The following DPYD variants were observed in gnomAD, a reference collection of about 807,000 sequenced individuals.
DPYD encodes the protein dihydropyrimidine dehydrogenase [NADP(+)].
Under a neutral mutation model 116.2 loss-of-function variants are expected in DPYD, and 109 were observed. The ratio of observed to expected loss-of-function variants is 0.94; its 90% CI spans 0.80 to 1.10. DPYD has a LOEUF of 1.10. Ranked by LOEUF, DPYD falls within the 50% of genes least tolerant of loss-of-function variation. DPYD has a pLI of 0.00. For missense variants in DPYD, 1,302 were observed against 1,254.5 expected (o/e 1.04, Z -0.57); for synonymous variants, 440 against 432.0 (o/e 1.02, Z -0.23).
At chr1:97,133,572 C>T (rs747008399) in intron 20 of DPYD, among the ~76,000 whole-genome samples, 11 of 152,146 alleles carry the variant, frequency 7.2e-5, no homozygotes, top group Admixed American at 5.2e-4. Context: ...GTATGAGACA[C>T]TTTTGATCTT....
At chr1:97,543,284 T>A (rs1332093052) in intron 12 of DPYD, among the ~76,000 whole-genome samples, 1 of 152,172 alleles carries the variant, frequency 6.6e-6, no homozygotes, top group East Asian at 1.9e-4. Flanking sequence ...ATACTGCTCT[T>A]ATTTATGCAT....
intron 18 of DPYD, among the ~76,000 whole-genome samples, chr1:97,258,059 G>GA (rs1277405619): frequency 6.6e-6 from 1 of 152,020 alleles, no homozygotes. Context: ...TGAGCAAAAG[G>GA]ATACAGATCT....
chr1:97,514,917 G>C (rs1331876668), intron 13 of DPYD, among the ~76,000 whole-genome samples: 1 of 151,832 alleles, frequency 6.6e-6, no homozygotes, highest in Non-Finnish European at 1.5e-5. Context: ...GGATAAAGCT[G>C]ATTCAAATAA....
At chr1:97,625,108 A>G (rs1005131694) in intron 8 of DPYD, among the ~76,000 whole-genome samples, 1 of 152,064 alleles carries the variant, frequency 6.6e-6, no homozygotes, top group South Asian at 2.1e-4. Flanking sequence ...TATTAAGTTC[A>G]TATGTTCTTA....
At chr1:97,468,978 A>G (rs992797576) in intron 13 of DPYD, among the ~76,000 whole-genome samples, 2 of 152,208 alleles carry the variant, frequency 1.3e-5, no homozygotes, top group African/African-American at 4.8e-5. Flanking sequence ...AGTTCAAAAC[A>G]TTATTTAAAA....
At chr1:97,187,907 C>A (rs1316536674) in intron 20 of DPYD, among the ~76,000 whole-genome samples, 1 of 152,022 alleles carries the variant, frequency 6.6e-6, no homozygotes, top group Non-Finnish European at 1.5e-5. Context: ...TTTCTGGGTT[C>A]TTTATTCTGT....
chr1:97,140,142 G>T (rs1272550398), intron 20 of DPYD, among the ~76,000 whole-genome samples: 1 of 151,976 alleles, frequency 6.6e-6, no homozygotes, highest in African/African-American at 2.4e-5. Context: ...CATGCCCCTG[G>T]GTGCTTGGGT....
intron 18 of DPYD, among the ~76,000 whole-genome samples, chr1:97,240,795 C>T (rs1430672454): frequency 6.9e-6 from 1 of 145,810 alleles, no homozygotes; most frequent in Admixed American, 7.1e-5. Flanking sequence ...TATAAATGAA[C>T]CACCAACAAA....
At chr1:97,855,034 T>C (rs985659286) in intron 2 of DPYD, 1 of 152,222 alleles carries the variant, frequency 6.6e-6, no homozygotes. Flanking sequence ...GATTCTATTA[T>C]AGTCTCTGAG....
At chr1:97,817,869 G>A (rs1213985687) in intron 3 of DPYD, among the ~76,000 whole-genome samples, 1 of 151,888 alleles carries the variant, frequency 6.6e-6, no homozygotes, top group African/African-American at 2.4e-5. Flanking sequence ...TAAAATTAAA[G>A]CTAATCCTCA....
intron 8 of DPYD, among the ~76,000 whole-genome samples, chr1:97,670,144 C>T (rs867849373): frequency 2.0e-5 from 3 of 152,276 alleles, no homozygotes; most frequent in Middle Eastern, 3.4e-3. Context: ...GTCTTCTTGA[C>T]AATATCCACT....
intron 8 of DPYD, among the ~76,000 whole-genome samples, chr1:97,649,112 A>C (rs2100837418): frequency 6.6e-6 from 1 of 152,180 alleles, no homozygotes; most frequent in South Asian, 2.1e-4. Context: ...AGCTCTAAAA[A>C]ACTCCTAAAT....
intron 14 of DPYD, among the ~76,000 whole-genome samples, chr1:97,426,003 TA>T (rs1351823417): frequency 6.6e-6 from 1 of 151,994 alleles, no homozygotes; most frequent in Non-Finnish European, 1.5e-5. Context: ...GCAAAGGTGT[TA>T]TTACATTATT....
At chr1:97,699,802 G>A (rs1183316354) in intron 5 of DPYD, among the ~76,000 whole-genome samples, 2 of 151,826 alleles carry the variant, frequency 1.3e-5, no homozygotes, top group African/African-American at 4.8e-5. Context: ...CACCTAGAGG[G>A]TACATTAAGT....
At chr1:97,876,423 G>T (rs1312571560) in intron 2 of DPYD, among the ~76,000 whole-genome samples, 2 of 151,948 alleles carry the variant, frequency 1.3e-5, no homozygotes, top group Non-Finnish European at 2.9e-5. Flanking sequence ...TCAGTTTTAG[G>T]ATCACGCAAG....
intron 13 of DPYD, among the ~76,000 whole-genome samples, chr1:97,514,691 C>A (rs998827772): frequency 6.6e-6 from 1 of 151,644 alleles, no homozygotes; most frequent in South Asian, 2.1e-4. Flanking sequence ...AAAATCTTTA[C>A]GAAGGATTTT....
chr1:97,857,139 T>C (rs1177543089), intron 2 of DPYD, among the ~76,000 whole-genome samples: 2 of 152,144 alleles, frequency 1.3e-5, no homozygotes, highest in Non-Finnish European at 2.9e-5. Context: ...GGATTTTGTC[T>C]TCAGACCCCA....
chr1:97,728,968 T>C (rs1282131661), intron 4 of DPYD, among the ~76,000 whole-genome samples: 1 of 151,970 alleles, frequency 6.6e-6, no homozygotes, highest in Non-Finnish European at 1.5e-5. Context: ...AAAATGGAGA[T>C]AGAAGAATAG....
Position 97,235,613 on chromosome 1 carries a change from G to A in DPYD, c.2300-619C>T, listed in dbSNP as rs529750041. ...CACTCCAGCCTGGGTGACAGAGTGA[G>A]ACTCTGTCTCAAAAACAAACAAACA... On this transcript the variant is annotated intron_variant, in intron 18 of 22. Coordinates refer to ENST00000370192, the MANE Select transcript of DPYD (RefSeq NM_000110.4). Among the ~76,000 whole-genome samples the A allele has an allele frequency of 2.3e-4, 35 of 151,164 alleles. 2 individuals carry two copies. In the South Asian group the frequency reaches 6.0e-3, roughly 26 times the overall value.
Sources: gnomAD v4.1 joint callset for allele counts (sites outside exome capture counted in the v4.1 genomes callset) on GRCh38, gnomAD v4.1.1 for gene constraint, MANE v1.5 for transcripts, NCBI Gene and HGNC (gene_info 2026-07-23, HGNC 2026-07-21) for gene names.